The following DCAF6 variants were observed in gnomAD, a reference collection of about 807,000 sequenced individuals.
The protein encoded by DCAF6 is DDB1- and CUL4-associated factor 6.
Under a neutral mutation model 125.1 loss-of-function variants are expected in DCAF6, and 54 were observed. That is an observed-to-expected ratio of 0.43 (90% confidence interval 0.35 to 0.54). The LOEUF is 0.54. DCAF6 is among the 20% of genes least tolerant of loss of function. DCAF6 has a pLI of 0.01. For synonymous variants in DCAF6, 371 were observed against 390.4 expected, an observed-to-expected ratio of 0.95 and a Z score of 0.58; for missense variants, 934 against 1,161.7, an observed-to-expected ratio of 0.80 and a Z score of 2.85.
At chr1:167,989,837 G>A (rs562773062) in intron 5 of DCAF6, among the ~76,000 whole-genome samples, 5 of 151,688 alleles carry the variant, frequency 3.3e-5, no homozygotes, top group Non-Finnish European at 5.9e-5. Flanking sequence ...ACTCCAACCT[G>A]GCGACAGAGC....
rs953672046 is a variant in DCAF6 at position 168,019,047 on chromosome 1, CTT to C, written c.1549+3107_1549+3108del. Among the ~76,000 whole-genome samples the C allele has an allele frequency of 1.0e-4, 15 of 146,568 alleles. No individual in the cohort carries two copies. In the East Asian group the frequency reaches 3.0e-3, roughly 29 times the overall value. On this transcript the variant is annotated intron_variant, in intron 11 of 21. Transcript: ENST00000367840. ...CAGTACACATGATAATGTACTCTCT[CTT>C]TTTTTTTTTTCTTTTTTGAGATGGA...
chr1:168,045,374 T>G lies in DCAF6; in HGVS notation c.2258+147T>G, dbSNP rs144297241. The G allele has an allele frequency of 6.0e-4, 440 of 731,794 alleles. 1 individual carries two copies. The highest frequency in any genetic ancestry group is 2.0e-3 in the Middle Eastern group (5 of 2,510). The allele number at this position is 731,794 out of a possible 1,614,324, so 45.3% of individuals were successfully genotyped here. Reference sequence around the variant, plus strand: ...ATAAACTTAAAGAAACTTTACAGTTTACTGTAAATGATTTTACGTATTATA... The same window carrying G: ...ATAAACTTAAAGAAACTTTACAGTTGACTGTAAATGATTTTACGTATTATA... On this transcript the variant is annotated intron_variant, in intron 16 of 21. Transcript: ENST00000367840.
At chr1:167,952,360 G>A (rs930902477) in intron 2 of DCAF6, among the ~76,000 whole-genome samples, 2 of 152,016 alleles carry the variant, frequency 1.3e-5, no homozygotes, top group African/African-American at 4.8e-5. Flanking sequence ...TGGGACTACA[G>A]GTGCCTGCCA....
chr1:168,071,826 ACTTCCACT>A (rs1178686579), intron 21 of DCAF6, among the ~76,000 whole-genome samples: 3 of 152,278 alleles, frequency 2.0e-5, no homozygotes, highest in Admixed American at 1.3e-4. Context: ...CCAACCTCTG[ACTTCCACT>A]CAGTCCACCT....
the DCAF6 span, among the ~76,000 whole-genome samples, chr1:167,871,126 T>A: frequency 6.6e-6 from 1 of 152,126 alleles, no homozygotes; most frequent in African/African-American, 2.4e-5. Flanking sequence ...ATATGTAGAC[T>A]ATTACATTAG....
chr1:168,065,915 C>T (rs1692270138), intron 19 of DCAF6, among the ~76,000 whole-genome samples, 169 bp downstream of exon 19: 1 of 152,192 alleles, frequency 6.6e-6, no homozygotes, highest in Admixed American at 6.5e-5. Context: ...CACCTGTAAT[C>T]TGCTTTTTGC....
chr1:167,953,030 C>T (rs529836002), intron 2 of DCAF6, among the ~76,000 whole-genome samples: 23 of 152,168 alleles, frequency 1.5e-4, no homozygotes, highest in Non-Finnish European at 3.2e-4. Flanking sequence ...ATTTTACCTT[C>T]ATATGTAAGC....
chr1:168,028,271 C>G (rs1686601374), intron 12 of DCAF6, among the ~76,000 whole-genome samples: 1 of 152,002 alleles, frequency 6.6e-6, no homozygotes, highest in African/African-American at 2.4e-5. Context: ...CCAGCAATTT[C>G]CCCCTTATTT....
intron 19 of DCAF6, among the ~76,000 whole-genome samples, 185 bp from the exon 20 acceptor site, chr1:168,066,192 A>C (rs767792808): frequency 6.6e-6 from 1 of 152,224 alleles, no homozygotes; most frequent in Non-Finnish European, 1.5e-5. Flanking sequence ...ACATGGTATT[A>C]AAATTACGTT....
chr1:167,898,838 A>G, the DCAF6 span, among the ~76,000 whole-genome samples: 1 of 152,052 alleles, frequency 6.6e-6, no homozygotes, highest in East Asian at 1.9e-4. Flanking sequence ...ATCTAGCAGC[A>G]CACCTTTCTT....
chr1:168,024,917 GAGAA>G (rs1388088549), intron 12 of DCAF6, among the ~76,000 whole-genome samples: 4 of 151,702 alleles, frequency 2.6e-5, no homozygotes, highest in Non-Finnish European at 2.9e-5. Context: ...TTCTGTTCTT[GAGAA>G]AGAAAGAATG....
chr1:167,937,665 T>C (rs897240748), intron 1 of DCAF6, among the ~76,000 whole-genome samples: 1 of 152,212 alleles, frequency 6.6e-6, no homozygotes, highest in African/African-American at 2.4e-5. Context: ...ACTTGGCATT[T>C]ACAGTTTCGT....
chr1:167,952,873 AT>A (rs1674184963), intron 2 of DCAF6, among the ~76,000 whole-genome samples: 1 of 152,212 alleles, frequency 6.6e-6, no homozygotes, highest in Non-Finnish European at 1.5e-5. Flanking sequence ...TATTATAAAA[AT>A]TTCAAATGTA....
At chr1:168,069,415 A>G (rs1272111855) in intron 21 of DCAF6, among the ~76,000 whole-genome samples, 5 of 152,136 alleles carry the variant, frequency 3.3e-5, no homozygotes, top group South Asian at 4.1e-4. Flanking sequence ...TTGGGGATAC[A>G]CCAAACTCTT....
intron 1 of DCAF6, among the ~76,000 whole-genome samples, chr1:167,937,643 C>T (rs1226953052): frequency 6.6e-6 from 1 of 152,188 alleles, no homozygotes; most frequent in African/African-American, 2.4e-5. Flanking sequence ...TCTTCCCACC[C>T]CTGGAAAACA....
the DCAF6 span, among the ~76,000 whole-genome samples, chr1:167,876,037 A>T: frequency 2.0e-5 from 3 of 152,144 alleles, no homozygotes; most frequent in Admixed American, 1.3e-4. Flanking sequence ...CAGGTGGATC[A>T]TCTGAGGTCA....
At chr1:167,923,694 C>T in the DCAF6 span, among the ~76,000 whole-genome samples, 1 of 150,698 alleles carries the variant, frequency 6.6e-6, no homozygotes, top group Non-Finnish European at 1.5e-5. Context: ...ATGTATTTTA[C>T]CACATTAAAA....
chr1:167,977,706 G>A (rs1678464735), intron 4 of DCAF6, among the ~76,000 whole-genome samples: 1 of 151,916 alleles, frequency 6.6e-6, no homozygotes, highest in African/African-American at 2.4e-5. Flanking sequence ...TTTTTTTGTA[G>A]TCTGGGGAAA....
intron 12 of DCAF6, among the ~76,000 whole-genome samples, chr1:168,036,630 G>A (rs1033085901): frequency 1.3e-5 from 2 of 152,174 alleles, no homozygotes; most frequent in African/African-American, 4.8e-5. Context: ...GTGGACAAAT[G>A]ACTAGCAAAC....
Sources: allele counts gnomAD v4.1 joint callset (sites outside exome capture counted in the v4.1 genomes callset), GRCh38; gene constraint gnomAD v4.1.1; transcripts MANE v1.5; gene names NCBI Gene and HGNC (gene_info 2026-07-23, HGNC 2026-07-21).